Variants in CA10 observed in about 807,000 individuals in gnomAD.
CA10 encodes carbonic anhydrase-related protein 10.
A neutral mutation model predicts 44.2 loss-of-function variants in CA10; 14 were observed. The ratio of observed to expected loss-of-function variants is 0.32; its 90% CI spans 0.21 to 0.50. The LOEUF is 0.50. CA10 is among the 20% of genes least tolerant of loss of function. The pLI, the probability that CA10 is intolerant of heterozygous loss-of-function variation, is 0.99. For synonymous variants in CA10, 159 were observed against 141.6 expected (o/e 1.12, Z -0.87); for missense variants, 350 against 409.7 (o/e 0.85, Z 1.26).
intron 4 of CA10, among the ~76,000 whole-genome samples, chr17:51,672,476 G>A (rs1452214535): frequency 1.3e-5 from 2 of 152,170 alleles, no homozygotes; most frequent in Non-Finnish European, 2.9e-5. Flanking sequence ...GCCTCCCAAT[G>A]AATCCCCTGT....
chr17:51,793,457 T>A (rs552044837), intron 3 of CA10, among the ~76,000 whole-genome samples: 2 of 152,348 alleles, frequency 1.3e-5, no homozygotes, highest in Non-Finnish European at 2.9e-5. Flanking sequence ...ACTGGAATGA[T>A]AATCCCTGAC....
intron 4 of CA10, among the ~76,000 whole-genome samples, chr17:51,699,443 C>T (rs1597993437): frequency 6.6e-6 from 1 of 152,088 alleles, no homozygotes; most frequent in East Asian, 1.9e-4. Context: ...AACCTCCTCC[C>T]CTTCTTGCAA....
chr17:51,951,195 T>C lies in CA10; in HGVS notation c.137-20063A>G, dbSNP rs78057079. Among the ~76,000 whole-genome samples, 811 of 152,326 alleles carry C rather than the reference T, an allele frequency of 5.3e-3. 5 individuals are homozygous for C. Among genetic ancestry groups the C allele is most frequent in the African/African-American group, 0.019 (773 of 41,570 alleles). On this transcript the variant is annotated intron_variant, in intron 2 of 8. Transcript: ENST00000451037. The stretch of plus-strand genomic sequence containing the variant: ...GGTTCCTCCTCCAAGATTCTCATAA[T>C]GAAAGCTCCAACAGATATTGAGCCA...
chr17:51,904,103 T>C (rs922679555), intron 3 of CA10, among the ~76,000 whole-genome samples: 2 of 151,694 alleles, frequency 1.3e-5, no homozygotes, highest in African/African-American at 2.4e-5. Flanking sequence ...TTGCTCAGGA[T>C]GGAGGGGCTT....
chr17:51,672,830 CA>C (rs1222376615), intron 4 of CA10, among the ~76,000 whole-genome samples: 2 of 152,212 alleles, frequency 1.3e-5, no homozygotes, highest in Non-Finnish European at 2.9e-5. Context: ...CCAGATCCCT[CA>C]CCCTGCCAGT....
intron 3 of CA10, among the ~76,000 whole-genome samples, chr17:51,793,914 A>C (rs922755839): frequency 6.6e-6 from 1 of 152,172 alleles, no homozygotes; most frequent in African/African-American, 2.4e-5. Flanking sequence ...TGGACATCCA[A>C]TGCAGTCTGA....
rs781502595 is a variant in CA10 at position 52,109,541 on chromosome 17, G to A, written c.62-37148C>T. ...TCTTTCCCCAGATCATTTCCTGGTT[G>A]GGGAATAAACTATTGCAGATTAATG... On this transcript the variant is annotated intron_variant, in intron 1 of 8. Coordinates refer to ENST00000451037, the MANE Select transcript of CA10 (RefSeq NM_020178.5). 8.7e-4 allele frequency among the ~76,000 whole-genome samples: 133 copies of A among 152,188 alleles called. 1 individual carries two copies. Among genetic ancestry groups the A allele is most frequent in the Non-Finnish European group, 1.4e-3 (94 of 68,020 alleles).
At chr17:51,851,136 A>ACTGT (rs1978776544) in intron 3 of CA10, among the ~76,000 whole-genome samples, 1 of 152,244 alleles carries the variant, frequency 6.6e-6, no homozygotes, top group African/African-American at 2.4e-5. Flanking sequence ...AAGCCTCAGC[A>ACTGT]CTGTCACTTA....
chr17:52,145,382 C>T (rs1235727968), intron 1 of CA10, among the ~76,000 whole-genome samples: 4 of 152,090 alleles, frequency 2.6e-5, no homozygotes. Context: ...GTCCAATATG[C>T]TTAAACTGTT....
chr17:51,746,355 T>C (rs1567825611), intron 4 of CA10, among the ~76,000 whole-genome samples: 1 of 152,204 alleles, frequency 6.6e-6, no homozygotes, highest in Non-Finnish European at 1.5e-5. Flanking sequence ...GTCTAAACTG[T>C]GCCTTAGAAG....
chr17:51,675,158 G>A (rs1914574824), intron 4 of CA10, among the ~76,000 whole-genome samples: 2 of 152,188 alleles, frequency 1.3e-5, no homozygotes, highest in African/African-American at 4.8e-5. Flanking sequence ...CCGGAGGAGG[G>A]AAAAGCATAG....
chr17:51,957,198 C>T (rs770115934), intron 2 of CA10, among the ~76,000 whole-genome samples: 27 of 152,192 alleles, frequency 1.8e-4, no homozygotes, highest in Non-Finnish European at 2.6e-4. Flanking sequence ...TATTTCGTAA[C>T]GATTTTATAC....
chr17:51,802,527 T>C (rs759906318), intron 3 of CA10, among the ~76,000 whole-genome samples: 1 of 143,588 alleles, frequency 7.0e-6, no homozygotes. Flanking sequence ...TCTAATGTAC[T>C]CTGCAGGCTC....
intron 4 of CA10, among the ~76,000 whole-genome samples, chr17:51,665,393 CCTTTTAGACCTCAGGGT>C (rs1914171591): frequency 6.6e-6 from 1 of 152,034 alleles, no homozygotes; most frequent in African/African-American, 2.4e-5. Flanking sequence ...GTCACTGCTC[CCTTTTAGACCTCAGGGT>C]CTTTATCTGG....
chr17:51,697,593 T>C (rs1915445362), intron 4 of CA10, among the ~76,000 whole-genome samples: 2 of 152,196 alleles, frequency 1.3e-5, no homozygotes, highest in African/African-American at 4.8e-5. Context: ...TCCTTGTAGA[T>C]GAGACGTTGT....
chr17:51,867,717 T>C (rs1016473386), intron 3 of CA10, among the ~76,000 whole-genome samples: 1 of 152,212 alleles, frequency 6.6e-6, no homozygotes, highest in African/African-American at 2.4e-5. Flanking sequence ...GCTAAGTCAG[T>C]CTACGGATGA....
chr17:51,692,738 A>T (rs746244759), intron 4 of CA10, among the ~76,000 whole-genome samples: 3 of 152,222 alleles, frequency 2.0e-5, no homozygotes, highest in Non-Finnish European at 1.5e-5. Flanking sequence ...ACAATTATGA[A>T]TAAAGCTCCT....
At chr17:51,838,822 C>T (rs1415066706) in intron 3 of CA10, among the ~76,000 whole-genome samples, 1 of 152,222 alleles carries the variant, frequency 6.6e-6, no homozygotes, top group East Asian at 1.9e-4. Context: ...TGACCCTGCT[C>T]CTGCCCTTCT....
intron 3 of CA10, among the ~76,000 whole-genome samples, chr17:51,899,513 T>C (rs1189640439): frequency 2.0e-5 from 3 of 150,282 alleles, no homozygotes; most frequent in Admixed American, 6.6e-5. Context: ...ATGAGAAAAA[T>C]GTATATACTG....
Sources: gnomAD v4.1 joint callset for allele counts (sites outside exome capture counted in the v4.1 genomes callset) on GRCh38, gnomAD v4.1.1 for gene constraint, MANE v1.5 for transcripts, NCBI Gene and HGNC (gene_info 2026-07-23, HGNC 2026-07-21) for gene names.